Variants in PAK1IP1 observed in about 807,000 individuals in gnomAD.
PAK1IP1 encodes the protein p21-activated protein kinase-interacting protein 1.
A neutral mutation model predicts 42.0 loss-of-function variants in PAK1IP1; 24 were observed. The ratio of observed to expected loss-of-function variants is 0.57; its 90% CI spans 0.41 to 0.80. The LOEUF (loss-of-function observed/expected upper bound fraction) is 0.80, where lower values mean the gene tolerates loss of function less well. PAK1IP1 is among the 30% of genes least tolerant of loss of function. The probability of loss-of-function intolerance (pLI) is 0.00; values close to 1 mark genes in which losing one functional copy is unlikely to be tolerated. For missense variants in PAK1IP1, 411 were observed against 467.9 expected (o/e 0.88, Z 1.12); for synonymous variants, 154 against 156.7 (o/e 0.98, Z 0.13).
At position 10,709,769 on chromosome 6, in the gene PAK1IP1, C is replaced by T. The variant is rs1325802602; in HGVS notation, c.*317C>T. 6.2e-6 allele frequency: 1 copy of T among 161,092 alleles called. No homozygotes were observed. The highest frequency in any genetic ancestry group is 1.3e-5 in the Non-Finnish European group (1 of 74,382). 10.0% of individuals were successfully genotyped at this position (161,092 alleles called of 1,614,324 possible). A position where few individuals can be genotyped will look rare whatever the true frequency, so the allele number is the denominator to read the frequency against. On this transcript the variant is annotated 3_prime_UTR_variant, in exon 10 of 10. Coordinates refer to ENST00000379568, the MANE Select transcript of PAK1IP1 (RefSeq NM_017906.3). ...CTGTAAAATAATATAAAATATTGAA[C>T]ACATTCTTTATCAGATTTGGATGAA...
chr6:10,702,696 C>A, intron 4 of PAK1IP1, 57 bp downstream of exon 4: 2 of 1,211,022 alleles, frequency 1.7e-6, no homozygotes, highest in Non-Finnish European at 2.5e-6. Context: ...CTACAGCTCT[C>A]CACCATCTAA....
intron 1 of PAK1IP1, among the ~76,000 whole-genome samples, chr6:10,696,278 C>A (rs1428076887): frequency 6.6e-6 from 1 of 152,184 alleles, no homozygotes; most frequent in Admixed American, 6.5e-5. Flanking sequence ...TGATTTAAGG[C>A]CATAGCAGAC....
chr6:10,697,155 A>G (rs1769884021), intron 1 of PAK1IP1, among the ~76,000 whole-genome samples, 169 bp from the exon 2 acceptor site: 1 of 152,172 alleles, frequency 6.6e-6, no homozygotes, highest in South Asian at 2.1e-4. Context: ...GTAGTTTAAC[A>G]TATCATTTTT....
At chr6:10,694,626 T>G (rs1769712195), upstream of PAK1IP1, 2 of 184,060 alleles carry the variant, frequency 1.1e-5, no homozygotes, top group South Asian at 2.0e-4. Flanking sequence ...CGGCCCCACC[T>G]CCTCCTGATG....
At chr6:10,694,961 G>T (rs1381216767), upstream of PAK1IP1, 4 of 1,555,694 alleles carry the variant, frequency 2.6e-6, no homozygotes, top group Non-Finnish European at 3.5e-6. Flanking sequence ...AGCCGGGCTG[G>T]CGGAAGAGGC....
rs1451690003 is a variant in PAK1IP1, at chr6:10,704,557, A to AT, written c.548dup (p.Gln184ThrfsTer3). ...AAGAGGAGAGCAGTATGTAGTTATC[A>AT]TACAGAATAAAATAGACATCTATCA... is the stretch of plus-strand genomic sequence containing the variant. On this transcript the variant is annotated frameshift_variant, in exon 6 of 10. Coordinates refer to ENST00000379568, the MANE Select transcript of PAK1IP1 (RefSeq NM_017906.3). LOFTEE classifies it high-confidence loss of function. 1 of 1,599,812 alleles carries AT rather than the reference A, an allele frequency of 6.3e-7. No individual in the cohort carries two copies. The highest frequency in any genetic ancestry group is 8.6e-7 in the Non-Finnish European group (1 of 1,168,434).
intron 2 of PAK1IP1, among the ~76,000 whole-genome samples, chr6:10,701,942 T>C (rs1285062682): frequency 2.0e-5 from 3 of 152,080 alleles, no homozygotes; most frequent in Non-Finnish European, 4.4e-5. Context: ...TTAGTAATAT[T>C]AAGACATTGA....
upstream of PAK1IP1, among the ~76,000 whole-genome samples, chr6:10,690,895 C>T (rs965887303): frequency 6.6e-6 from 1 of 152,180 alleles, no homozygotes; most frequent in African/African-American, 2.4e-5. Context: ...CAGTTCCAAT[C>T]CAGTTAAACA....
At chr6:10,699,188 G>A (rs1276053810) in intron 2 of PAK1IP1, among the ~76,000 whole-genome samples, 7 of 133,960 alleles carry the variant, frequency 5.2e-5, no homozygotes, top group Non-Finnish European at 7.7e-5. Flanking sequence ...GCGACAGAGC[G>A]AGACTCTGTC....
At chr6:10,699,553 A>C (rs1413995268) in intron 2 of PAK1IP1, among the ~76,000 whole-genome samples, 1 of 152,210 alleles carries the variant, frequency 6.6e-6, no homozygotes, top group African/African-American at 2.4e-5. Flanking sequence ...AGGGAGAGAA[A>C]GACTGAACAG....
intron 2 of PAK1IP1, among the ~76,000 whole-genome samples, chr6:10,699,962 TAGA>T (rs771478098): frequency 5.3e-5 from 8 of 151,682 alleles, no homozygotes; most frequent in Non-Finnish European, 8.8e-5. Flanking sequence ...GTCCTCATGG[TAGA>T]AGGGCAAAGC....
At chr6:10,702,100 T>G (rs1237635871) in intron 2 of PAK1IP1, among the ~76,000 whole-genome samples, 2 of 151,606 alleles carry the variant, frequency 1.3e-5, no homozygotes, top group Non-Finnish European at 2.9e-5. Context: ...ATTAGCTAGG[T>G]ATATTGATGT....
intron 2 of PAK1IP1, among the ~76,000 whole-genome samples, chr6:10,698,694 CAGA>C (rs1185669422): frequency 6.6e-6 from 1 of 152,154 alleles, no homozygotes. Flanking sequence ...AGAACCCCAA[CAGA>C]AGGACTGATG....
chr6:10,691,450 A>G (rs535044113), upstream of PAK1IP1, among the ~76,000 whole-genome samples: 1 of 152,272 alleles, frequency 6.6e-6, no homozygotes, highest in East Asian at 1.9e-4. Context: ...ACGGAACAGA[A>G]CAGGACAGGG....
At chr6:10,699,179 C>T (rs1443292831) in intron 2 of PAK1IP1, among the ~76,000 whole-genome samples, 1 of 125,062 alleles carries the variant, frequency 8.0e-6, no homozygotes, top group Non-Finnish European at 1.6e-5. Flanking sequence ...CTAGCCTAGG[C>T]GACAGAGCGA....
rs1411756563 is a variant in PAK1IP1, at chr6:10,703,472, T to C, written c.496+15T>C. On this transcript the variant is annotated intron_variant, in intron 5 of 9. Coordinates refer to ENST00000379568, the MANE Select transcript of PAK1IP1 (RefSeq NM_017906.3). ...TATAAAACAAAGTGAGTATTTTTGT[T>C]TGAAATGCAGGTTGAGCATTCCTAA... 1 of 1,576,980 alleles carries C rather than the reference T, an allele frequency of 6.3e-7. No individual in the cohort carries two copies. The highest frequency in any genetic ancestry group is 8.7e-7 in the Non-Finnish European group (1 of 1,148,990).
At position 10,704,629 on chromosome 6, in the gene PAK1IP1, A is replaced by G; in HGVS notation, c.619A>G (p.Ile207Val). 1 of 1,612,056 alleles carries G rather than the reference A, an allele frequency of 6.2e-7. No homozygotes were observed. Among genetic ancestry groups the G allele is most frequent in the East Asian group, 2.2e-5 (1 of 44,842 alleles). ...TGGCACCATCACAAATGAAAAGAGA[A>G]TTTCCTCTGTTAAATTTCTTTCAGT... ...ISGTITNEKR[I>V]SSVKFLSESV... The change falls in exon 6 of 10, where the codon ATT (isoleucine) becomes GTT (valine). Residue 207 changes from isoleucine to valine, a missense_variant. Physicochemically the swap from Ile to Val is conservative, Grantham distance 29 (BLOSUM62 3). Coordinates refer to ENST00000379568, the MANE Select transcript of PAK1IP1 (RefSeq NM_017906.3).
At chr6:10,704,394 A>G in intron 5 of PAK1IP1, 113 bp from the exon 6 acceptor site, 1 of 655,798 alleles carries the variant, frequency 1.5e-6, no homozygotes, top group Admixed American at 3.3e-5. Flanking sequence ...ACGAAGATGA[A>G]ATAGGATAAT....
chr6:10,704,933 TA>T, intron 7 of PAK1IP1, 89 bp downstream of exon 7: 1 of 803,706 alleles, frequency 1.2e-6, no homozygotes, highest in Non-Finnish European at 2.2e-6. Flanking sequence ...ATGTTTTTAT[TA>T]ACAACTGCAG....
Sources: allele counts gnomAD v4.1 joint callset (sites outside exome capture counted in the v4.1 genomes callset), GRCh38; gene constraint gnomAD v4.1.1; transcripts MANE v1.5; gene names NCBI Gene and HGNC (gene_info 2026-07-23, HGNC 2026-07-21).